Variants in FGF14 observed in about 807,000 individuals in gnomAD.
FGF14 encodes the protein fibroblast growth factor 14, also known as fibroblast growth factor homologous factor 4.
In FGF14, 5 loss-of-function variants were observed where a neutral mutation model predicts 25.5. That is an observed-to-expected ratio of 0.20 (90% CI 0.10 to 0.41). The LOEUF is 0.41. Ranked by LOEUF, FGF14 falls within the 10% of genes least tolerant of loss-of-function variation. The pLI, the probability that FGF14 is intolerant of heterozygous loss-of-function variation, is 1.00. For missense variants in FGF14, 222 were observed against 320.1 expected (o/e 0.69, Z 2.34); for synonymous variants, 138 against 118.3 (o/e 1.17, Z -1.08).
intron 1 of FGF14, among the ~76,000 whole-genome samples, chr13:101,962,703 T>C (rs1594841777): frequency 2.0e-5 from 3 of 152,322 alleles, no homozygotes; most frequent in Admixed American, 6.5e-5. Flanking sequence ...ATTTTGAATA[T>C]AAAATTTGTG....
At chr13:101,987,374 T>C (rs2038644755) in intron 1 of FGF14, among the ~76,000 whole-genome samples, 1 of 152,002 alleles carries the variant, frequency 6.6e-6, no homozygotes, top group Non-Finnish European at 1.5e-5. Context: ...AACTCTCCAT[T>C]TGCCATGATG....
intron 3 of FGF14, among the ~76,000 whole-genome samples, chr13:101,738,956 GTATATA>G (rs60594991): frequency 6.2e-5 from 9 of 146,156 alleles, no homozygotes; most frequent in Non-Finnish European, 1.0e-4. Context: ...GTGTGTGTGT[GTATATA>G]TATATATATA....
intron 1 of FGF14, among the ~76,000 whole-genome samples, chr13:102,107,293 T>C (rs985741928): frequency 6.6e-6 from 1 of 152,082 alleles, no homozygotes; most frequent in African/African-American, 2.4e-5. Flanking sequence ...TTTAAATGAG[T>C]GCCACAGTAT....
At chr13:102,151,281 G>A (rs4772445) in intron 1 of FGF14, among the ~76,000 whole-genome samples, 28,604 of 152,026 alleles carry the variant, frequency 0.19, 2,817 homozygotes, top group East Asian at 0.35. Context: ...GCAGCTGTGT[G>A]CCATGTTGAT....
At chr13:101,998,839 G>A (rs148412832) in intron 1 of FGF14, among the ~76,000 whole-genome samples, 6 of 152,292 alleles carry the variant, frequency 3.9e-5, no homozygotes, top group Non-Finnish European at 8.8e-5. Context: ...GTGGTGAAGA[G>A]TAATACCTAT....
chr13:102,158,754 A>G (rs1458467390), intron 1 of FGF14, among the ~76,000 whole-genome samples: 2 of 152,206 alleles, frequency 1.3e-5, no homozygotes, highest in East Asian at 3.9e-4. Flanking sequence ...ACTGGTTTAT[A>G]ATTTTTGCAC....
chr13:102,110,371 C>A (rs540236059), intron 1 of FGF14, among the ~76,000 whole-genome samples: 1 of 152,166 alleles, frequency 6.6e-6, no homozygotes, highest in Non-Finnish European at 1.5e-5. Flanking sequence ...CACCAAAAAA[C>A]GATGCACAGC....
At chr13:101,894,814 A>G (rs565658334) in intron 1 of FGF14, among the ~76,000 whole-genome samples, 1 of 152,330 alleles carries the variant, frequency 6.6e-6, no homozygotes, top group South Asian at 2.1e-4. Context: ...TGAAACTGAC[A>G]AAGATATTGT....
At chr13:102,037,239 C>T (rs2139975097) in intron 1 of FGF14, among the ~76,000 whole-genome samples, 1 of 152,172 alleles carries the variant, frequency 6.6e-6, no homozygotes, top group South Asian at 2.1e-4. Flanking sequence ...TGGTTTTAAT[C>T]TACAGAAATT....
At chr13:101,964,683 G>T (rs2037073708) in intron 1 of FGF14, among the ~76,000 whole-genome samples, 1 of 152,154 alleles carries the variant, frequency 6.6e-6, no homozygotes, top group African/African-American at 2.4e-5. Context: ...TCTTTAGATG[G>T]CATCTTCTCT....
chr13:102,235,147 A>C (rs1213779849), intron 1 of FGF14, among the ~76,000 whole-genome samples: 1 of 152,252 alleles, frequency 6.6e-6, no homozygotes, highest in Admixed American at 6.5e-5. Flanking sequence ...TGAAACAAAA[A>C]ACACAAAATC....
At chr13:102,064,494 T>C (rs1423862280) in intron 1 of FGF14, among the ~76,000 whole-genome samples, 7 of 151,774 alleles carry the variant, frequency 4.6e-5, no homozygotes, top group Non-Finnish European at 1.5e-5. Context: ...GTTTGACCTA[T>C]TAAATGGAAA....
chr13:101,996,622 G>C (rs2039201129), intron 1 of FGF14, among the ~76,000 whole-genome samples: 1 of 152,180 alleles, frequency 6.6e-6, no homozygotes, highest in African/African-American at 2.4e-5. Flanking sequence ...GAGAGAGGCA[G>C]ATCTGAGAAT....
At chr13:101,891,951 C>T (rs2138897901) in intron 1 of FGF14, among the ~76,000 whole-genome samples, 1 of 152,074 alleles carries the variant, frequency 6.6e-6, no homozygotes, top group African/African-American at 2.4e-5. Context: ...GAGGTGAGAG[C>T]TCTATAAATA....
intron 3 of FGF14, among the ~76,000 whole-genome samples, chr13:101,833,743 A>C (rs1393235891): frequency 6.6e-6 from 1 of 152,124 alleles, no homozygotes; most frequent in Non-Finnish European, 1.5e-5. Flanking sequence ...TCAAATTTGC[A>C]AGTAATTCTT....
intron 1 of FGF14, chr13:102,017,050 T>A (rs1286758963): frequency 6.2e-6 from 1 of 161,010 alleles, no homozygotes; most frequent in African/African-American, 2.4e-5. Context: ...CTGAAATAAC[T>A]AACTACCTTC....
chr13:102,083,534 G>A (rs1214489279), intron 1 of FGF14, among the ~76,000 whole-genome samples: 1 of 152,080 alleles, frequency 6.6e-6, no homozygotes, highest in Non-Finnish European at 1.5e-5. Context: ...CCTTTCTACT[G>A]ATGTCTCAAG....
In FGF14 at chr13:101,711,751, C is replaced by T. The variant is rs974349171; in HGVS notation, c.*11080G>A. ...CCTGAAGACACATGAGAAAATGTGG[C>T]TGATTCCCCAGGGATGGAAGCCAGC... On this transcript the variant is annotated 3_prime_UTR_variant, in exon 5 of 5. Coordinates refer to ENST00000376143, the MANE Select transcript of FGF14 (RefSeq NM_004115.4). 6.6e-6 allele frequency: 1 copy of T among 152,198 alleles called. No individual in the cohort carries two copies. Among genetic ancestry groups the T allele is most frequent in the Admixed American group, 6.5e-5 (1 of 15,284 alleles). The allele number at this position is 152,198 out of a possible 1,614,324, so 9.4% of individuals were successfully genotyped here. A position where few individuals can be genotyped will look rare whatever the true frequency, so the allele number is the denominator to read the frequency against.
chr13:101,873,158 C>T (rs1233908398), intron 2 of FGF14, among the ~76,000 whole-genome samples: 1 of 152,074 alleles, frequency 6.6e-6, no homozygotes, highest in Non-Finnish European at 1.5e-5. Context: ...ATCTGCACTT[C>T]CATATTTAGA....
Sources: gnomAD v4.1 joint callset for allele counts (sites outside exome capture counted in the v4.1 genomes callset) on GRCh38, gnomAD v4.1.1 for gene constraint, MANE v1.5 for transcripts, NCBI Gene and HGNC (gene_info 2026-07-23, HGNC 2026-07-21) for gene names.